FAR2: variants seen among roughly 807,000 people sequenced by gnomAD.
FAR2 encodes the protein epididymis secretory protein Li 81.
Under a neutral mutation model 56.0 loss-of-function variants are expected in FAR2, and 19 were observed. The ratio of observed to expected loss-of-function variants is 0.34; its 90% CI spans 0.24 to 0.50. The LOEUF (loss-of-function observed/expected upper bound fraction) is 0.50, where lower values mean the gene tolerates loss of function less well. FAR2 is among the 20% of genes least tolerant of loss of function. The pLI, the probability that FAR2 is intolerant of heterozygous loss-of-function variation, is 0.98. For missense variants in FAR2, 508 were observed against 642.2 expected (o/e 0.79, Z 2.26); for synonymous variants, 219 against 218.8 (o/e 1.00, Z -0.01).
chr12:29,261,451 A>G (rs998037271), intron 1 of FAR2, among the ~76,000 whole-genome samples: 1 of 152,200 alleles, frequency 6.6e-6, no homozygotes, highest in Non-Finnish European at 1.5e-5. Flanking sequence ...GAGCAAATGT[A>G]AGAGTCATTG....
rs767693177 is a variant in FAR2, at chr12:29,186,484, G to T, written c.-39+37077G>T. Among the ~76,000 whole-genome samples the T allele has an allele frequency of 4.6e-5, 7 of 152,266 alleles. 1 individual carries two copies. Among genetic ancestry groups the T allele is most frequent in the Non-Finnish European group, 2.9e-5 (2 of 68,014 alleles). On this transcript the variant is annotated intron_variant, in intron 1 of 11. Transcript: ENST00000536681. ...GTCTCCTCTGATCTTTTAAGGAGTT[G>T]CAAATTGCAAATAATCGCTTGAGAT...
At chr12:29,154,667 T>G in intron 1 of FAR2, among the ~76,000 whole-genome samples, 1 of 152,146 alleles carries the variant, frequency 6.6e-6, no homozygotes, top group East Asian at 1.9e-4. Context: ...TCTCCTGACC[T>G]TGTGATCCGC....
rs1176389461 is a variant in FAR2, at chr12:29,328,232, A to G, written c.1258-4368A>G. Among the ~76,000 whole-genome samples, 12 of 152,068 alleles carry G rather than the reference A, an allele frequency of 7.9e-5. No individual in the cohort carries two copies. The South Asian group carries it at 8.3e-4, about 10-fold the overall frequency. On this transcript the variant is annotated intron_variant, in intron 10 of 11. Transcript: ENST00000536681. ...ACCATCTCACACCAGTTAGAATGGC[A>G]ATCATTAAAAAGTCAGGAAACAACA...
At chr12:29,262,813 A>C (rs1283160290) in intron 1 of FAR2, among the ~76,000 whole-genome samples, 1 of 152,204 alleles carries the variant, frequency 6.6e-6, no homozygotes, top group East Asian at 1.9e-4. Context: ...ATAACATTGA[A>C]TGTAAATGGA....
At chr12:29,256,231 A>T (rs1948314571) in intron 1 of FAR2, among the ~76,000 whole-genome samples, 1 of 152,114 alleles carries the variant, frequency 6.6e-6, no homozygotes, top group Non-Finnish European at 1.5e-5. Flanking sequence ...TTTGTCACCC[A>T]GGCTAGAGGG....
chr12:29,265,233 A>G (rs971887190), intron 1 of FAR2, among the ~76,000 whole-genome samples: 2 of 152,234 alleles, frequency 1.3e-5, no homozygotes, highest in African/African-American at 2.4e-5. Context: ...ATCCTGGGCA[A>G]AAAGAATAAA....
intron 1 of FAR2, among the ~76,000 whole-genome samples, chr12:29,197,587 T>C (rs1950153674): frequency 6.6e-6 from 1 of 152,202 alleles, no homozygotes; most frequent in Non-Finnish European, 1.5e-5. Flanking sequence ...TCCTGAATGT[T>C]TGATACTATA....
intron 1 of FAR2, among the ~76,000 whole-genome samples, chr12:29,175,649 G>A (rs1949930962): frequency 6.6e-6 from 1 of 152,188 alleles, no homozygotes; most frequent in South Asian, 2.1e-4. Flanking sequence ...GTGCTGTTTG[G>A]TCCATTTTGC....
At chr12:29,299,063 A>C (rs1400526206) in intron 4 of FAR2, among the ~76,000 whole-genome samples, 1 of 152,036 alleles carries the variant, frequency 6.6e-6, no homozygotes, top group Non-Finnish European at 1.5e-5. Context: ...AATACAAAAA[A>C]TTAGCTAGGT....
At chr12:29,333,102 C>A (rs1949755433) in intron 11 of FAR2, 4 of 338,928 alleles carry the variant, frequency 1.2e-5, no homozygotes, top group South Asian at 1.0e-4. Flanking sequence ...GCTATTTAAC[C>A]TAGAAAAAAG....
At chr12:29,293,919 C>G (rs1014716689) in intron 3 of FAR2, among the ~76,000 whole-genome samples, 1 of 152,098 alleles carries the variant, frequency 6.6e-6, no homozygotes, top group African/African-American at 2.4e-5. Context: ...CAATGAACAT[C>G]TGTGTGCATG....
At chr12:29,293,946 T>C (rs973069465) in intron 3 of FAR2, among the ~76,000 whole-genome samples, 1 of 152,176 alleles carries the variant, frequency 6.6e-6, no homozygotes, top group Non-Finnish European at 1.5e-5. Context: ...TTTCACCCCT[T>C]TGTGTGCTCT....
At chr12:29,260,083 T>C (rs1948390327) in intron 1 of FAR2, among the ~76,000 whole-genome samples, 1 of 152,244 alleles carries the variant, frequency 6.6e-6, no homozygotes, top group Admixed American at 6.5e-5. Context: ...AAATAATTAA[T>C]GTAATTATTT....
At chr12:29,183,425 A>T (rs1355925731) in intron 1 of FAR2, among the ~76,000 whole-genome samples, 2 of 152,158 alleles carry the variant, frequency 1.3e-5, no homozygotes, top group Non-Finnish European at 1.5e-5. Flanking sequence ...TCTCGAAGAG[A>T]CTAGAAATTG....
chr12:29,214,970 G>T (rs527632775), intron 1 of FAR2, among the ~76,000 whole-genome samples: 4 of 152,164 alleles, frequency 2.6e-5, no homozygotes, highest in African/African-American at 9.7e-5. Context: ...GAAATTGTGA[G>T]CTGAGACCTG....
intron 1 of FAR2, among the ~76,000 whole-genome samples, chr12:29,165,920 A>AG (rs1448869486): frequency 6.6e-6 from 1 of 152,236 alleles, no homozygotes; most frequent in African/African-American, 2.4e-5. Context: ...TAGGAAAAAC[A>AG]GGAAGCAAAT....
chr12:29,231,307 C>T (rs1346618039), intron 1 of FAR2, among the ~76,000 whole-genome samples: 3 of 152,050 alleles, frequency 2.0e-5, no homozygotes, highest in East Asian at 1.9e-4. Context: ...TGCCAGGACT[C>T]CATAGTGGGT....
intron 3 of FAR2, among the ~76,000 whole-genome samples, chr12:29,296,738 A>G (rs911492501): frequency 6.6e-6 from 1 of 152,230 alleles, no homozygotes; most frequent in African/African-American, 2.4e-5. Flanking sequence ...TTATAAATTC[A>G]GAGTATTGTA....
intron 1 of FAR2, among the ~76,000 whole-genome samples, chr12:29,208,831 T>A (rs193213913): frequency 6.6e-6 from 1 of 152,266 alleles, no homozygotes; most frequent in Admixed American, 6.5e-5. Context: ...AGAATTGGAC[T>A]AATGAGTAGG....
Sources: gnomAD v4.1 joint callset for allele counts (sites outside exome capture counted in the v4.1 genomes callset) on GRCh38, gnomAD v4.1.1 for gene constraint, MANE v1.5 for transcripts, NCBI Gene and HGNC (gene_info 2026-07-23, HGNC 2026-07-21) for gene names.